The following ERMP1 variants were observed in gnomAD, a reference collection of about 807,000 sequenced individuals.
ERMP1 encodes Felix-ina.
Under a neutral mutation model 92.0 loss-of-function variants are expected in ERMP1, and 86 were observed. The ratio of observed to expected loss-of-function variants is 0.93; its 90% CI spans 0.79 to 1.12. The LOEUF is 1.12. ERMP1 is among the 50% of genes most tolerant of loss of function. The pLI, the probability that ERMP1 is intolerant of heterozygous loss-of-function variation, is 0.00. For missense variants in ERMP1, 1,342 were observed against 1,116.3 expected (o/e 1.20, Z -2.88); for synonymous variants, 530 against 412.8 (o/e 1.28, Z -3.44).
intron 6 of ERMP1, among the ~76,000 whole-genome samples, chr9:5,840,559 T>C (rs1351016934): frequency 6.6e-6 from 1 of 152,182 alleles, no homozygotes; most frequent in Non-Finnish European, 1.5e-5. Flanking sequence ...AAAGACTGCA[T>C]AGCACCTTGC....
At chr9:5,858,802 T>A (rs1359886950) in intron 6 of ERMP1, among the ~76,000 whole-genome samples, 1 of 152,164 alleles carries the variant, frequency 6.6e-6, no homozygotes, top group African/African-American at 2.4e-5. Context: ...CAAGTAGTCA[T>A]GCTCCATAGA....
At chr9:5,858,624 G>A (rs751670849) in intron 6 of ERMP1, among the ~76,000 whole-genome samples, 1 of 152,212 alleles carries the variant, frequency 6.6e-6, no homozygotes, top group Admixed American at 6.5e-5. Context: ...GAGTGGTAAA[G>A]AGAAGTTCTC....
chr9:5,828,597 T>C (rs1829815959), intron 2 of ERMP1, among the ~76,000 whole-genome samples: 2 of 152,318 alleles, frequency 1.3e-5, no homozygotes, highest in Non-Finnish European at 2.9e-5. Flanking sequence ...AAAAATGTAT[T>C]GTTTGGTTGA....
chr9:5,864,975 T>C (rs6477011), intron 5 of ERMP1, among the ~76,000 whole-genome samples: 94,587 of 151,996 alleles, frequency 0.62, 30,518 homozygotes, highest in South Asian at 0.73. Context: ...AGTTGTTTCA[T>C]GGAAAAAAAA....
At chr9:5,844,589 A>G (rs774314343) in intron 6 of ERMP1, among the ~76,000 whole-genome samples, 16 of 152,162 alleles carry the variant, frequency 1.1e-4, no homozygotes, top group Non-Finnish European at 2.4e-4. Context: ...AGAGAAGATT[A>G]CAGTCAATCT....
chr9:5,817,222 C>T (rs1401061644), intron 4 of ERMP1, among the ~76,000 whole-genome samples: 2 of 151,116 alleles, frequency 1.3e-5, no homozygotes, highest in African/African-American at 2.4e-5. Flanking sequence ...GAGTCTCTCG[C>T]TCTGTCGTCC....
intron 5 of ERMP1, among the ~76,000 whole-genome samples, chr9:5,812,534 G>C (rs1345334490): frequency 6.6e-6 from 1 of 152,210 alleles, no homozygotes; most frequent in Admixed American, 6.5e-5. Flanking sequence ...TGCCAGGCCA[G>C]AGCCAAATTT....
At chr9:5,854,841 C>T (rs1051676276) in intron 6 of ERMP1, among the ~76,000 whole-genome samples, 4 of 152,176 alleles carry the variant, frequency 2.6e-5, no homozygotes, top group African/African-American at 9.7e-5. Context: ...CTTATTACTT[C>T]TATACATAAG....
intron 2 of ERMP1, among the ~76,000 whole-genome samples, chr9:5,829,028 GA>G (rs1231792367): frequency 6.6e-6 from 1 of 152,020 alleles, no homozygotes; most frequent in Admixed American, 6.6e-5. Flanking sequence ...CGGATCACTT[GA>G]GGTCAGGAGT....
At chr9:5,846,108 T>C (rs1043886391) in intron 6 of ERMP1, among the ~76,000 whole-genome samples, 2 of 152,214 alleles carry the variant, frequency 1.3e-5, no homozygotes, top group African/African-American at 4.8e-5. Flanking sequence ...GTTCATGCTG[T>C]GCTTTACCTC....
At chr9:5,802,466 T>C (rs1041311513) in intron 10 of ERMP1, among the ~76,000 whole-genome samples, 1 of 152,122 alleles carries the variant, frequency 6.6e-6, no homozygotes, top group Non-Finnish European at 1.5e-5. Context: ...CTCACTGCAA[T>C]CTCCAACACT....
rs1238500768 is a variant in ERMP1 at position 5,787,543 on chromosome 9, A to G, written c.2437T>C (p.Ser813Pro). 6.2e-7 allele frequency: 1 copy of G among 1,614,128 alleles called. No individual in the cohort carries two copies. Among genetic ancestry groups the G allele is most frequent in the South Asian group, 1.1e-5 (1 of 91,076 alleles). The part of the protein sequence containing the change: ...YVRAHKGSTL[S>P]QWSLGNGTPV... ...GTGCCATTGCCAAGAGACCACTGAGAAAGTGTTGACCCTTTGTGGGCTCGA... is the reference window on the plus strand; with the variant it reads ...GTGCCATTGCCAAGAGACCACTGAGGAAGTGTTGACCCTTTGTGGGCTCGA... Residue 813 changes from serine (S) to proline (P), a missense_variant, in exon 14 of 15, where the codon TCT becomes CCT. By Grantham distance (74) the Ser-to-Pro change is moderately conservative. Coordinates refer to ENST00000339450, the MANE Select transcript of ERMP1 (RefSeq NM_024896.3).
At chr9:5,787,733 C>A in intron 13 of ERMP1, 140 bp from the exon 14 acceptor site, 1 of 743,790 alleles carries the variant, frequency 1.3e-6, no homozygotes, top group East Asian at 2.8e-5. Context: ...GGAGGTTTAC[C>A]AGTTTGGACA....
At chr9:5,796,484 T>C (rs1321492976) in intron 13 of ERMP1, among the ~76,000 whole-genome samples, 2 of 152,236 alleles carry the variant, frequency 1.3e-5, no homozygotes, top group Non-Finnish European at 2.9e-5. Flanking sequence ...GGAATCTTTA[T>C]AGCAGCCTTA....
chr9:5,861,568 A>C (rs1830495209), intron 5 of ERMP1, among the ~76,000 whole-genome samples: 1 of 152,106 alleles, frequency 6.6e-6, no homozygotes, highest in African/African-American at 2.4e-5. Context: ...TGGACAGTTA[A>C]CTGTAGACTT....
intron 13 of ERMP1, among the ~76,000 whole-genome samples, chr9:5,796,262 G>C (rs1315532797): frequency 6.6e-6 from 1 of 152,194 alleles, no homozygotes; most frequent in Non-Finnish European, 1.5e-5. Flanking sequence ...TGGAGAAGAA[G>C]AGTTGGAAGA....
chr9:5,859,250 C>G (rs990395699), intron 6 of ERMP1, among the ~76,000 whole-genome samples: 1 of 106,870 alleles, frequency 9.4e-6, no homozygotes, highest in Non-Finnish European at 2.2e-5. Flanking sequence ...ATGGAATACT[C>G]TCCTTGGCAA....
At chr9:5,795,476 T>C (rs1308792647) in intron 13 of ERMP1, among the ~76,000 whole-genome samples, 3 of 152,176 alleles carry the variant, frequency 2.0e-5, no homozygotes, top group African/African-American at 7.2e-5. Flanking sequence ...AGATTGTCTA[T>C]TCATAGAATC....
intron 2 of ERMP1, among the ~76,000 whole-genome samples, chr9:5,829,107 T>C (rs1829838619): frequency 6.6e-6 from 1 of 150,600 alleles, no homozygotes; most frequent in South Asian, 2.1e-4. Flanking sequence ...ATCAGCCGAG[T>C]GTGGTGGCAC....
Sources: allele counts gnomAD v4.1 joint callset (sites outside exome capture counted in the v4.1 genomes callset), GRCh38; gene constraint gnomAD v4.1.1; transcripts MANE v1.5; gene names NCBI Gene and HGNC (gene_info 2026-07-23, HGNC 2026-07-21).